The following KALRN variants were observed in gnomAD, a reference collection of about 807,000 sequenced individuals.
KALRN encodes the protein kalirin.
In KALRN, 70 loss-of-function variants were observed where a neutral mutation model predicts 353.7. The ratio of observed to expected loss-of-function variants is 0.20; its 90% CI spans 0.16 to 0.24. The LOEUF (loss-of-function observed/expected upper bound fraction) is 0.24, where lower values mean the gene tolerates loss of function less well. Among genes scored for constraint, KALRN ranks in the 10% least tolerant of loss-of-function variants. The pLI is 1.00. For missense variants in KALRN, 2,791 were observed against 3,756.7 expected (o/e 0.74, Z 6.72); for synonymous variants, 1,391 against 1,434.8 (o/e 0.97, Z 0.69).
chr3:124,467,484 A>G (rs1256458645), intron 25 of KALRN, among the ~76,000 whole-genome samples: 13 of 152,174 alleles, frequency 8.5e-5, no homozygotes, highest in Non-Finnish European at 1.6e-4. Context: ...GGCCTCATGG[A>G]GAAGGGGGCA....
chr3:124,264,706 C>G lies in KALRN; in HGVS notation c.456+16C>G, dbSNP rs1242650074. 2.2e-5 allele frequency: 35 copies of G among 1,608,210 alleles called. No homozygotes were observed. Among genetic ancestry groups the G allele is most frequent in the Non-Finnish European group, 2.8e-5 (33 of 1,174,768 alleles). On this transcript the variant is annotated intron_variant, in intron 4 of 59. Transcript: ENST00000682506. ...CATCTTTGAGGTGAGCCAGATTTCTCTCTCTTAGCATCTTCTTTCCCTTCC... is the reference window on the plus strand; with the variant it reads ...CATCTTTGAGGTGAGCCAGATTTCTGTCTCTTAGCATCTTCTTTCCCTTCC...
intron 6 of KALRN, among the ~76,000 whole-genome samples, chr3:124,310,838 G>T (rs2078176853): frequency 6.6e-6 from 1 of 152,174 alleles, no homozygotes; most frequent in East Asian, 1.9e-4. Context: ...ACCACAAAAT[G>T]GGAGAAAATA....
chr3:124,568,824 C>T (rs2073170723), intron 34 of KALRN, among the ~76,000 whole-genome samples: 1 of 152,056 alleles, frequency 6.6e-6, no homozygotes, highest in South Asian at 2.1e-4. Flanking sequence ...TGATGATTGC[C>T]AGGGGCTGGA....
At chr3:124,348,103 T>C (rs1398031065) in intron 10 of KALRN, among the ~76,000 whole-genome samples, 1 of 152,184 alleles carries the variant, frequency 6.6e-6, no homozygotes, top group Non-Finnish European at 1.5e-5. Context: ...TGCTCTCCAG[T>C]TATTTTATCA....
At chr3:124,154,892 G>A (rs2068742013) in intron 1 of KALRN, among the ~76,000 whole-genome samples, 1 of 152,144 alleles carries the variant, frequency 6.6e-6, no homozygotes, top group South Asian at 2.1e-4. Flanking sequence ...AAAACAGCAT[G>A]GTACTGGTAC....
intron 6 of KALRN, among the ~76,000 whole-genome samples, chr3:124,309,396 A>G (rs1296012862): frequency 1.3e-5 from 2 of 152,166 alleles, no homozygotes; most frequent in African/African-American, 2.4e-5. Flanking sequence ...ACAAAATACT[A>G]TCAAACCAAA....
In KALRN at chr3:124,107,513, C is replaced by A. The variant is rs572005988; in HGVS notation, c.73+73700C>A. ...AATTATAGAGACTTTTCCCCACCAACCTGGCCCCCTAGAGCTTCTTTTCTA... is the reference window on the plus strand; with the variant it reads ...AATTATAGAGACTTTTCCCCACCAAACTGGCCCCCTAGAGCTTCTTTTCTA... On this transcript the variant is annotated intron_variant, in intron 1 of 59. Transcript: ENST00000682506. Among the ~76,000 whole-genome samples, 46 of 152,326 alleles carry A rather than the reference C, an allele frequency of 3.0e-4. 1 individual carries two copies. Among genetic ancestry groups the A allele is most frequent in the Middle Eastern group, 6.8e-3 (2 of 294 alleles).
intron 10 of KALRN, among the ~76,000 whole-genome samples, chr3:124,358,268 T>G (rs545926233): frequency 6.6e-6 from 1 of 152,350 alleles, no homozygotes; most frequent in South Asian, 2.1e-4. Context: ...GTGTCCATTT[T>G]CCCAGCCCCA....
In KALRN at chr3:124,628,536, CCTTT is replaced by C. The variant is rs1408447166; in HGVS notation, c.5183-3878_5183-3875del. On this transcript the variant is annotated intron_variant, in intron 34 of 59. Transcript: ENST00000682506. ...CTTCCCTTCCTTTCCTTCCTTCCTT[CCTTT>C]CTTTCCTTTTCTTTCTTTTCTTTTC... Among the ~76,000 whole-genome samples, 10 of 91,106 alleles carry C rather than the reference CCTTT, an allele frequency of 1.1e-4. No individual in the cohort carries two copies. In the East Asian group the frequency reaches 2.2e-3, roughly 20 times the overall value. 59.8% of individuals were successfully genotyped at this position (91,106 alleles called of 152,430 possible).
intron 2 of KALRN, among the ~76,000 whole-genome samples, chr3:124,233,173 T>C (rs1365101503): frequency 7.9e-5 from 12 of 152,028 alleles, no homozygotes; most frequent in Admixed American, 7.9e-4. Context: ...TTGTATAATG[T>C]CCAAGGAAGG....
At chr3:124,396,223 C>T (rs2150070131) in intron 12 of KALRN, among the ~76,000 whole-genome samples, 1 of 152,092 alleles carries the variant, frequency 6.6e-6, no homozygotes, top group African/African-American at 2.4e-5. Context: ...CAGGCTATCC[C>T]TAGGGCCTGA....
intron 10 of KALRN, chr3:124,374,553 G>C (rs1226947284): frequency 6.6e-6 from 1 of 152,244 alleles, no homozygotes; most frequent in African/African-American, 2.4e-5. Context: ...CAAACCCTCT[G>C]ATTTGGTCAC....
chr3:124,308,828 T>C (rs1354582202), intron 6 of KALRN, among the ~76,000 whole-genome samples: 1 of 151,160 alleles, frequency 6.6e-6, no homozygotes, highest in Non-Finnish European at 1.5e-5. Flanking sequence ...GAGTAGAAAT[T>C]AACTAGAGAA....
intron 1 of KALRN, among the ~76,000 whole-genome samples, chr3:124,181,280 G>T (rs1170537572): frequency 1.3e-5 from 2 of 151,930 alleles, no homozygotes; most frequent in Non-Finnish European, 1.5e-5. Context: ...ATGCGTGATG[G>T]TTAACATTCC....
chr3:124,526,980 G>C (rs751265186), intron 33 of KALRN, among the ~76,000 whole-genome samples: 1 of 152,170 alleles, frequency 6.6e-6, no homozygotes, highest in Non-Finnish European at 1.5e-5. Flanking sequence ...AACAACCACA[G>C]ACAAGAATTC....
In KALRN at chr3:124,099,752, A is replaced by G. The variant is rs565365900; in HGVS notation, c.73+65939A>G. ...ATTTTTTGTCTTTTTGATAATAACC[A>G]TTGTAATTGTGGTAAGATGATATCT... On this transcript the variant is annotated intron_variant, in intron 1 of 59. Transcript: ENST00000682506. 4.3e-4 allele frequency among the ~76,000 whole-genome samples: 66 copies of G among 152,154 alleles called. No homozygotes were observed. In the South Asian group the frequency reaches 0.013, roughly 31 times the overall value.
At chr3:124,372,101 C>G (rs2085923963) in intron 10 of KALRN, among the ~76,000 whole-genome samples, 1 of 152,160 alleles carries the variant, frequency 6.6e-6, no homozygotes, top group Non-Finnish European at 1.5e-5. Context: ...CAGTTCCATC[C>G]ACGTTTTTGC....
intron 6 of KALRN, among the ~76,000 whole-genome samples, chr3:124,299,594 T>TA (rs1435717667): frequency 6.6e-6 from 1 of 152,146 alleles, no homozygotes; most frequent in Non-Finnish European, 1.5e-5. Context: ...AGATAGAACT[T>TA]ACTTTACCTC....
intron 25 of KALRN, among the ~76,000 whole-genome samples, chr3:124,470,517 A>T (rs894247420): frequency 9.5e-6 from 1 of 104,960 alleles, no homozygotes; most frequent in Non-Finnish European, 1.9e-5. Flanking sequence ...TGCCTGGCAC[A>T]AGCTGAATAG....
Sources: gnomAD v4.1 joint callset for allele counts (sites outside exome capture counted in the v4.1 genomes callset) on GRCh38, gnomAD v4.1.1 for gene constraint, MANE v1.5 for transcripts, NCBI Gene and HGNC (gene_info 2026-07-23, HGNC 2026-07-21) for gene names.